ANXA1: variants seen among roughly 807,000 people sequenced by gnomAD.
ANXA1 encodes annexin I (lipocortin I).
In ANXA1, 39 loss-of-function variants were observed where a neutral mutation model predicts 47.9. The ratio of observed to expected loss-of-function variants is 0.81; its 90% CI spans 0.63 to 1.06. The LOEUF (loss-of-function observed/expected upper bound fraction) is 1.06, where lower values mean the gene tolerates loss of function less well. Ranked by LOEUF, ANXA1 falls within the 50% of genes least tolerant of loss-of-function variation. The pLI, the probability that ANXA1 is intolerant of heterozygous loss-of-function variation, is 0.00. For synonymous variants in ANXA1, 146 were observed against 142.5 expected, an observed-to-expected ratio of 1.02 and a Z score of -0.17; for missense variants, 446 against 422.7, an observed-to-expected ratio of 1.06 and a Z score of -0.48.
At chr9:73,157,966 C>T (rs929701012) in intron 1 of ANXA1, 3 of 152,344 alleles carry the variant, frequency 2.0e-5, no homozygotes, top group African/African-American at 7.2e-5. Context: ...AGCAAACTTT[C>T]TTCTGCTTCC....
At position 73,170,220 on chromosome 9, in the gene ANXA1, T is replaced by G. The variant is rs906328131; in HGVS notation, c.*113T>G. ...CAGGATTACAGTGTAGCTACCTACA[T>G]GCTGAAAAATATAGCCTTTAAATCA... On this transcript the variant is annotated 3_prime_UTR_variant, in exon 13 of 13. Coordinates refer to ENST00000257497, the MANE Select transcript of ANXA1 (RefSeq NM_000700.3). 19 of 718,236 alleles carry G rather than the reference T, an allele frequency of 2.6e-5. No individual in the cohort carries two copies. The highest frequency in any genetic ancestry group is 3.5e-5 in the Non-Finnish European group (16 of 456,358). The allele number at this position is 718,236 out of a possible 1,614,324, so 44.5% of individuals were successfully genotyped here. A position where few individuals can be genotyped will look rare whatever the true frequency, so the allele number is the denominator to read the frequency against.
intron 1 of ANXA1, among the ~76,000 whole-genome samples, chr9:73,155,934 A>G (rs1824038735): frequency 1.3e-5 from 2 of 149,692 alleles, no homozygotes; most frequent in South Asian, 4.2e-4. Context: ...TTTTTTTTAA[A>G]TGGACATTAT....
At chr9:73,165,501 A>G (rs1282329346) in intron 9 of ANXA1, 1 of 214,206 alleles carries the variant, frequency 4.7e-6, no homozygotes, top group African/African-American at 2.3e-5. Context: ...GACATGCATA[A>G]CAGAACAAAT....
chr9:73,154,383 T>C lies in ANXA1; in HGVS notation c.-15+2459T>C, dbSNP rs45498999. ...AACACTGATCATGTCATTTTCTTTT[T>C]GGTCACTAATTCCCTCCCTCCCTTC... On this transcript the variant is annotated intron_variant, in intron 1 of 12. Transcript: ENST00000257497. 10,951 of 1,354,132 alleles carry C rather than the reference T, an allele frequency of 8.1e-3. 59 individuals are homozygous for C. Among genetic ancestry groups the C allele is most frequent in the South Asian group, 0.011 (941 of 87,484 alleles). The allele number at this position is 1,354,132 out of a possible 1,614,324, so 83.9% of individuals were successfully genotyped here. A position where few individuals can be genotyped will look rare whatever the true frequency, so the allele number is the denominator to read the frequency against.
At chr9:73,154,580 A>G (rs1324958726) in intron 1 of ANXA1, among the ~76,000 whole-genome samples, 2 of 152,142 alleles carry the variant, frequency 1.3e-5, no homozygotes, top group Admixed American at 6.5e-5. Context: ...ATGGGACTAC[A>G]GGTGCACACC....
chr9:73,162,797 T>C lies in ANXA1; in HGVS notation c.491T>C (p.Leu164Pro), dbSNP rs897379230. ...RVYREELKRD[L>P]AKDITSDTSG... ...TTTTTCTCAGAACTGAAGAGAGATC[T>C]GGCCAAAGACATAACCTCAGACACA... is the stretch of plus-strand genomic sequence containing the variant. The change falls in exon 7 of 13, where the codon CTG becomes CCG. Residue 164 changes from leucine to proline, a missense_variant. Coordinates refer to ENST00000257497, the MANE Select transcript of ANXA1 (RefSeq NM_000700.3). The C allele has an allele frequency of 6.2e-7, 1 of 1,612,734 alleles. No individual in the cohort carries two copies. The highest frequency in any genetic ancestry group is 8.5e-7 in the Non-Finnish European group (1 of 1,179,276).
At chr9:73,166,516 A>T (rs1824232209) in intron 10 of ANXA1, among the ~76,000 whole-genome samples, 1 of 152,118 alleles carries the variant, frequency 6.6e-6, no homozygotes, top group Non-Finnish European at 1.5e-5. Flanking sequence ...ATCTGGAATA[A>T]ATGTAACATC....
chr9:73,154,591 A>G (rs1460467491), intron 1 of ANXA1, among the ~76,000 whole-genome samples: 1 of 152,102 alleles, frequency 6.6e-6, no homozygotes, highest in African/African-American at 2.4e-5. Flanking sequence ...GGTGCACACC[A>G]CCATGCCTGG....
At position 73,158,617 on chromosome 9, in the gene ANXA1, A is replaced by G. The variant is rs1824087007; in HGVS notation, c.66+16A>G. On this transcript the variant is annotated intron_variant, in intron 2 of 12. Coordinates refer to ENST00000257497, the MANE Select transcript of ANXA1 (RefSeq NM_000700.3). Reference sequence around the variant, plus strand: ...GGAATATGTTGTAAGTAGAGTGATAATAAAATTATGATTACAATATTGAAA... The same window carrying G: ...GGAATATGTTGTAAGTAGAGTGATAGTAAAATTATGATTACAATATTGAAA... 1 of 1,611,388 alleles carries G rather than the reference A, an allele frequency of 6.2e-7. No homozygotes were observed. Among genetic ancestry groups the G allele is most frequent in the Non-Finnish European group, 8.5e-7 (1 of 1,177,762 alleles).
intron 9 of ANXA1, among the ~76,000 whole-genome samples, chr9:73,165,726 T>A (rs979273548): frequency 6.6e-6 from 1 of 152,094 alleles, no homozygotes; most frequent in African/African-American, 2.4e-5. Flanking sequence ...TATAATAGTA[T>A]ACTGATTTCT....
chr9:73,162,739 T>G (rs776364073), intron 6 of ANXA1, 43 bp from the exon 7 acceptor site: 1 of 1,433,390 alleles, frequency 7.0e-7, no homozygotes, highest in South Asian at 1.2e-5. Flanking sequence ...TTATTATTAT[T>G]CATCACTGGT....
At chr9:73,159,603 TA>T in intron 4 of ANXA1, 180 bp downstream of exon 4, 1 of 503,100 alleles carries the variant, frequency 2.0e-6, no homozygotes, top group Non-Finnish European at 3.5e-6. Context: ...TCAAATTTCC[TA>T]TTTTTATACA....
chr9:73,166,460 T>G (rs2795120), intron 10 of ANXA1, among the ~76,000 whole-genome samples: 19,295 of 152,048 alleles, frequency 0.13, 1,513 homozygotes, highest in African/African-American at 0.22. Flanking sequence ...TGTACCAGGC[T>G]GGGCACACCA....
At chr9:73,168,947 G>T in intron 11 of ANXA1, 85 bp from the exon 12 acceptor site, 1 of 1,337,610 alleles carries the variant, frequency 7.5e-7, no homozygotes. Flanking sequence ...ATATGGAAGA[G>T]TAAGAAGGCT....
intron 1 of ANXA1, among the ~76,000 whole-genome samples, chr9:73,153,147 A>T (rs1276577914): frequency 1.3e-5 from 2 of 152,228 alleles, no homozygotes; most frequent in East Asian, 3.8e-4. Context: ...CATCCAGCAC[A>T]TAGCCAACAT....
chr9:73,156,119 AAT>A (rs1424622827), intron 1 of ANXA1, among the ~76,000 whole-genome samples: 3,672 of 75,914 alleles, frequency 0.048, 152 homozygotes, highest in African/African-American at 0.17. Flanking sequence ...TAATAATAAT[AAT>A]AATAAATAAA....
chr9:73,166,567 A>C (rs189379863), intron 10 of ANXA1, among the ~76,000 whole-genome samples: 2 of 152,212 alleles, frequency 1.3e-5, no homozygotes, highest in East Asian at 3.9e-4. Flanking sequence ...CTGCTTGTTA[A>C]TTGTACAATC....
At chr9:73,152,203 G>A (rs1451032660) in intron 1 of ANXA1, among the ~76,000 whole-genome samples, 1 of 152,140 alleles carries the variant, frequency 6.6e-6, no homozygotes, top group Non-Finnish European at 1.5e-5. Flanking sequence ...TGAGAAAGAA[G>A]GGAAGAATGT....
chr9:73,154,479 A>G, intron 1 of ANXA1: 1 of 749,030 alleles, frequency 1.3e-6, no homozygotes, highest in East Asian at 6.4e-5. Flanking sequence ...TATGTCGCCC[A>G]GGATGGAGTG....
Sources: gnomAD v4.1 joint callset for allele counts (sites outside exome capture counted in the v4.1 genomes callset) on GRCh38, gnomAD v4.1.1 for gene constraint, MANE v1.5 for transcripts, NCBI Gene and HGNC (gene_info 2026-07-23, HGNC 2026-07-21) for gene names.